The following SNX19 variants were observed in gnomAD, a reference collection of about 807,000 sequenced individuals.
SNX19 encodes the protein sorting nexin-19.
In SNX19, 60 loss-of-function variants were observed where a neutral mutation model predicts 85.2. That is an observed-to-expected ratio of 0.70 (90% CI 0.57 to 0.87). SNX19 has a LOEUF of 0.87. Among genes scored for constraint, SNX19 ranks in the 40% least tolerant of loss-of-function variants. The probability of loss-of-function intolerance (pLI) is 0.00; values close to 1 mark genes in which losing one functional copy is unlikely to be tolerated. For missense variants in SNX19, 1,201 were observed against 1,217.8 expected (o/e 0.99, Z 0.21); for synonymous variants, 520 against 470.0 (o/e 1.11, Z -1.38).
Position 130,878,435 on chromosome 11 carries a change from C to T in SNX19, c.2966G>A (p.Gly989Asp). Residue 989 changes from glycine to aspartate, a missense_variant, in exon 11 of 11, where the codon GGT (glycine) becomes GAT (aspartate). Gly to Asp is a moderately conservative substitution (Grantham distance 94). Around this residue, in one of 3 missense-constraint regions of SNX19, gnomAD observed 285 missense variants for 295.3 expected, o/e 0.97. Coordinates refer to ENST00000265909, the MANE Select transcript of SNX19 (RefSeq NM_014758.3). ...SDTPGNSKRMGVSS is the reference protein window; with the variant it reads ...SDTPGNSKRMDVSS Reference sequence around the variant, plus strand: ...GTGAATAACCAGCTAAGAGGAGACACCCATCCTCTTAGAGTTGCCTGGGGT... The same window carrying T: ...GTGAATAACCAGCTAAGAGGAGACATCCATCCTCTTAGAGTTGCCTGGGGT... The T allele has an allele frequency of 6.2e-7, 1 of 1,613,716 alleles. No homozygotes were observed. Among genetic ancestry groups the T allele is most frequent in the Non-Finnish European group, 8.5e-7 (1 of 1,179,788 alleles).
chr11:130,907,144 T>G (rs7949722), intron 5 of SNX19, among the ~76,000 whole-genome samples: 46 of 152,084 alleles, frequency 3.0e-4, no homozygotes, highest in African/African-American at 1.1e-3. Context: ...ACATCCATTT[T>G]TTCCCCTTGT....
rs951411127 is a variant in SNX19, at chr11:130,872,156, C to T, written c.*6266G>A. On this transcript the variant is annotated 3_prime_UTR_variant, in exon 11 of 11. Coordinates refer to ENST00000265909, the MANE Select transcript of SNX19 (RefSeq NM_014758.3). ...TTTCATCAAGCTGTTGAAGAGACAT[C>T]AAAGCCAGGAGTAATTCTCTGCATC... is the stretch of plus-strand genomic sequence containing the variant. Among the ~76,000 whole-genome samples the T allele has an allele frequency of 9.2e-5, 14 of 152,156 alleles. 1 individual carries two copies. Among genetic ancestry groups the T allele is most frequent in the African/African-American group, 3.4e-4 (14 of 41,430 alleles).
intron 2 of SNX19, among the ~76,000 whole-genome samples, chr11:130,911,062 G>C (rs1487057878): frequency 6.6e-6 from 1 of 152,044 alleles, no homozygotes; most frequent in Non-Finnish European, 1.5e-5. Flanking sequence ...AGGCGTGGTG[G>C]CGGGCGCCTG....
Position 130,906,025 on chromosome 11 carries a change from G to A in SNX19, c.2371C>T (p.Pro791Ser). 6.2e-7 allele frequency: 1 copy of A among 1,614,200 alleles called. No homozygotes were observed. Among genetic ancestry groups the A allele is most frequent in the Non-Finnish European group, 8.5e-7 (1 of 1,180,038 alleles). ...KAPEKDPEQP[P>S]KGRVDSCVSD... The stretch of plus-strand genomic sequence containing the variant: ...ACGCAACTGTCCACACGTCCTTTGG[G>A]AGGTTGTTCAGGATCTTTTTCTGGG... Residue 791 changes from proline (P) to serine (S), a missense_variant, in exon 7 of 11, where the codon CCC (proline) becomes TCC (serine). Coordinates refer to ENST00000265909, the MANE Select transcript of SNX19 (RefSeq NM_014758.3).
chr11:130,881,673 G>A (rs1226327350), intron 8 of SNX19, among the ~76,000 whole-genome samples: 1 of 152,094 alleles, frequency 6.6e-6, no homozygotes, highest in Non-Finnish European at 1.5e-5. Context: ...CACTAACAAG[G>A]GCCTCTTCTC....
At chr11:130,910,550 C>T (rs1245840019) in intron 2 of SNX19, among the ~76,000 whole-genome samples, 180 bp from the exon 3 acceptor site, 1 of 152,206 alleles carries the variant, frequency 6.6e-6, no homozygotes, top group Middle Eastern at 3.4e-3. Flanking sequence ...TAAATTGTTA[C>T]AAGAGAGGGC....
intron 1 of SNX19, among the ~76,000 whole-genome samples, chr11:130,913,650 A>G (rs762286950): frequency 1.3e-5 from 2 of 152,180 alleles, no homozygotes; most frequent in African/African-American, 2.4e-5. Context: ...TTCTTTCTCA[A>G]CTTCTTCCCT....
chr11:130,912,364 G>A (rs775757761), intron 1 of SNX19, among the ~76,000 whole-genome samples: 7 of 152,202 alleles, frequency 4.6e-5, no homozygotes, highest in Admixed American at 1.3e-4. Context: ...TTGGAGATGT[G>A]ATAAGGGGTC....
In SNX19 at chr11:130,905,566, T is replaced by A. The variant is rs537664751; in HGVS notation, c.2443+387A>T. ...CAGGTGGATCATGGAGCCAACAGAG[T>A]GGACTAAGAAGCCACGAAAAAGGCA... On this transcript the variant is annotated intron_variant, in intron 7 of 10. Coordinates refer to ENST00000265909, the MANE Select transcript of SNX19 (RefSeq NM_014758.3). 2.1e-5 allele frequency: 21 copies of A among 1,005,712 alleles called. No individual in the cohort carries two copies. In the African/African-American group the frequency reaches 2.9e-4, roughly 14 times the overall value. 62.3% of individuals were successfully genotyped at this position (1,005,712 alleles called of 1,614,324 possible).
intron 8 of SNX19, among the ~76,000 whole-genome samples, chr11:130,897,510 G>A (rs1267314077): frequency 1.3e-5 from 2 of 152,180 alleles, no homozygotes; most frequent in Non-Finnish European, 2.9e-5. Flanking sequence ...GGGCAGCGCC[G>A]CGGACGTGGC....
At chr11:130,910,481 A>T in intron 2 of SNX19, 111 bp from the exon 3 acceptor site, 1 of 786,882 alleles carries the variant, frequency 1.3e-6, no homozygotes, top group South Asian at 1.9e-5. Context: ...TCCTTGGATT[A>T]AAAAAAACAA....
rs770442341 is a variant in SNX19, at chr11:130,914,847, G to A, written c.1093C>T (p.Leu365=). 6.2e-7 allele frequency: 1 copy of A among 1,614,202 alleles called. No homozygotes were observed. Among genetic ancestry groups the A allele is most frequent in the Non-Finnish European group, 8.5e-7 (1 of 1,180,030 alleles). ...HFLQPNVRGP[L]FLCEDSELES... ...AGCTCTGAGTCTTCACATAAGAACA[G>A]GGGACCTCGAACATTTGGCTGTAGG... The change falls in exon 1 of 11, where the codon CTG becomes TTG. Residue 365 remains leucine (L), a synonymous_variant. Transcript: ENST00000265909.
rs1946364316 is a variant in SNX19, at chr11:130,914,295, A to G, written c.1645T>C (p.Phe549Leu). 2 of 1,598,208 alleles carry G rather than the reference A, an allele frequency of 1.3e-6. No homozygotes were observed. The highest frequency in any genetic ancestry group is 2.3e-5 in the South Asian group (2 of 87,448). ...ACAGTATAGAGTGTGTATGGGTGGA[A>G]TCCAGTGCCACTGTGCTCTCGGGCT... Reference protein sequence around the residue: ...ITAREHSGTGFHPYTLYTVKY... With the variant: ...ITAREHSGTGLHPYTLYTVKY... Residue 549 changes from phenylalanine to leucine, a missense_variant, in exon 1 of 11, where the codon TTC becomes CTC. By Grantham distance (22) the Phe-to-Leu change is conservative. This residue lies in a region of SNX19 where 791 missense variants were observed against 750.9 expected (regional missense o/e 1.05). Coordinates refer to ENST00000265909, the MANE Select transcript of SNX19 (RefSeq NM_014758.3).
rs1282975231 is a variant in SNX19 at position 130,868,712 on chromosome 11, G to C, written c.*9710C>G. On this transcript the variant is annotated 3_prime_UTR_variant, in exon 11 of 11. Coordinates refer to ENST00000265909, the MANE Select transcript of SNX19 (RefSeq NM_014758.3). ...ACCCCATGCCCAGTATACTCTTAGA[G>C]CAGAGAGGAGGTCTGGAGGAGACAA... The C allele has an allele frequency of 6.6e-6, 1 of 152,204 alleles. No homozygotes were observed. The highest frequency in any genetic ancestry group is 1.9e-4 in the East Asian group (1 of 5,194). 9.4% of individuals were successfully genotyped at this position (152,204 alleles called of 1,614,324 possible). A position where few individuals can be genotyped will look rare whatever the true frequency, so the allele number is the denominator to read the frequency against.
Position 130,871,471 on chromosome 11 carries a change from G to A in SNX19, c.*6951C>T, listed in dbSNP as rs549556557. Among the ~76,000 whole-genome samples the A allele has an allele frequency of 6.6e-6, 1 of 152,242 alleles. No individual in the cohort carries two copies. The highest frequency in any genetic ancestry group is 2.1e-4 in the South Asian group (1 of 4,824). On this transcript the variant is annotated 3_prime_UTR_variant, in exon 11 of 11. Transcript: ENST00000265909. ...AAAGTGTTTTTCCTCCCTTAATAAGGTCTATTCTTCTTGGTGTCAAGGTAT... is the reference window on the plus strand; with the variant it reads ...AAAGTGTTTTTCCTCCCTTAATAAGATCTATTCTTCTTGGTGTCAAGGTAT...
chr11:130,914,837 C>A lies in SNX19; in HGVS notation c.1103G>T (p.Cys368Phe). The change falls in exon 1 of 11, where the codon TGT (cysteine) becomes TTT (phenylalanine). Residue 368 changes from cysteine (C) to phenylalanine (F), a missense_variant. Cys to Phe is a radical substitution (Grantham distance 205). Coordinates refer to ENST00000265909, the MANE Select transcript of SNX19 (RefSeq NM_014758.3). ...CGGAGACTCCAGCTCTGAGTCTTCA[C>A]ATAAGAACAGGGGACCTCGAACATT... ...QPNVRGPLFL[C>F]EDSELESPLS... The A allele has an allele frequency of 6.2e-7, 1 of 1,614,224 alleles. No individual in the cohort carries two copies. The highest frequency in any genetic ancestry group is 8.5e-7 in the Non-Finnish European group (1 of 1,180,036).
In SNX19 at chr11:130,873,906, G is replaced by A. The variant is rs748471577; in HGVS notation, c.*4516C>T. Among the ~76,000 whole-genome samples the A allele has an allele frequency of 9.2e-5, 14 of 152,136 alleles. No homozygotes were observed. Among genetic ancestry groups the A allele is most frequent in the Non-Finnish European group, 1.3e-4 (9 of 68,034 alleles). On this transcript the variant is annotated 3_prime_UTR_variant, in exon 11 of 11. Transcript: ENST00000265909. ...ATTTCTGTAGATATCTGACCTTCATGGAAGATGACCTCATCTCTGGGGGAA... is the reference window on the plus strand; with the variant it reads ...ATTTCTGTAGATATCTGACCTTCATAGAAGATGACCTCATCTCTGGGGGAA...
chr11:130,902,942 C>T (rs1036993160), intron 8 of SNX19: 5 of 232,754 alleles, frequency 2.1e-5, no homozygotes, highest in Admixed American at 1.1e-4. Flanking sequence ...GTGAGAGGTG[C>T]AGGGCTGGAG....
Position 130,888,217 on chromosome 11 carries a change from A to C in SNX19, c.2574-7411T>G, listed in dbSNP as rs945093926. ...TTGTTGGCTTTAGATTATCATTCTA[A>C]GTTTTCTAAATGTTTTTGAATCTTA... On this transcript the variant is annotated intron_variant, in intron 8 of 10. Transcript: ENST00000265909. 4.6e-5 allele frequency among the ~76,000 whole-genome samples: 7 copies of C among 152,096 alleles called. No individual in the cohort carries two copies. In the South Asian group the frequency reaches 6.2e-4, roughly 13 times the overall value.
Sources: allele counts gnomAD v4.1 joint callset (sites outside exome capture counted in the v4.1 genomes callset), GRCh38; gene constraint gnomAD v4.1.1; regional missense constraint gnomAD v4.1.1; transcripts MANE v1.5; gene names NCBI Gene and HGNC (gene_info 2026-07-23, HGNC 2026-07-21).